LETM1: variants seen among roughly 807,000 people sequenced by gnomAD.
LETM1 encodes mitochondrial proton/calcium exchanger protein.
A neutral mutation model predicts 74.5 loss-of-function variants in LETM1; 50 were observed. The ratio of observed to expected loss-of-function variants is 0.67; its 90% CI spans 0.53 to 0.85. LETM1 has a LOEUF of 0.85. LETM1 is among the 40% of genes least tolerant of loss of function. The probability of loss-of-function intolerance (pLI) is 0.00; values close to 1 mark genes in which losing one functional copy is unlikely to be tolerated. For missense variants in LETM1, 824 were observed against 967.8 expected (o/e 0.85, Z 1.97); for synonymous variants, 446 against 407.1 (o/e 1.10, Z -1.15).
chr4:1,820,220 GC>G lies in LETM1; in HGVS notation c.1609-749del, dbSNP rs1282064228. 2.0e-5 allele frequency among the ~76,000 whole-genome samples: 3 copies of G among 152,160 alleles called. No homozygotes were observed. The East Asian group carries it at 5.8e-4, about 29-fold the overall frequency. On this transcript the variant is annotated intron_variant, in intron 10 of 13. Transcript: ENST00000302787. The stretch of plus-strand genomic sequence containing the variant: ...CACAGTGCTGATATCACAGGTGTGG[GC>G]CCCGCGCCCAGCCTCTCTGTTTGGT...
At chr4:1,822,721 C>T (rs971262675) in intron 9 of LETM1, 10 of 376,500 alleles carry the variant, frequency 2.7e-5, no homozygotes, top group African/African-American at 1.7e-4. Flanking sequence ...AGAGGGTGGG[C>T]ACTGCCATAT....
At chr4:1,854,455 G>A (rs1253580544) in intron 1 of LETM1, among the ~76,000 whole-genome samples, 1 of 147,940 alleles carries the variant, frequency 6.8e-6, no homozygotes, top group Non-Finnish European at 1.5e-5. Flanking sequence ...ACTCCAGCCT[G>A]GATGACAGAG....
chr4:1,815,582 G>C, intron 13 of LETM1, 82 bp downstream of exon 13: 1 of 1,510,984 alleles, frequency 6.6e-7, no homozygotes, highest in Non-Finnish European at 9.0e-7. Context: ...GAGGGTGCCG[G>C]ACATGCAATG....
intron 4 of LETM1, among the ~76,000 whole-genome samples, chr4:1,835,198 A>G (rs1054799231): frequency 6.6e-6 from 1 of 152,230 alleles, no homozygotes; most frequent in African/African-American, 2.4e-5. Context: ...TAATCCCAGC[A>G]CTTTGGGAGG....
At chr4:1,817,897 A>G (rs1172201583) in intron 11 of LETM1, among the ~76,000 whole-genome samples, 1 of 152,178 alleles carries the variant, frequency 6.6e-6, no homozygotes, top group Non-Finnish European at 1.5e-5. Context: ...CTCCTGCCTC[A>G]GTCTCTGGAG....
chr4:1,834,313 T>C lies in LETM1; in HGVS notation c.876+532A>G. 3.5e-6 allele frequency: 3 copies of C among 869,176 alleles called. No homozygotes were observed. The highest frequency in any genetic ancestry group is 4.1e-6 in the Non-Finnish European group (3 of 723,498). 53.8% of individuals were successfully genotyped at this position (869,176 alleles called of 1,614,324 possible). ...AACAACACCGGCCTCGTGAACCCCA[T>C]CTAGTCCTCAGGGATCTCGGTCCGT... On this transcript the variant is annotated intron_variant, in intron 5 of 13. Transcript: ENST00000302787. The surrounding 1 kb of genome is among the most constrained non-coding windows in gnomAD (Gnocchi z 5.0).
At chr4:1,848,710 T>C (rs1158208582) in intron 2 of LETM1, among the ~76,000 whole-genome samples, 2 of 116,518 alleles carry the variant, frequency 1.7e-5, no homozygotes, top group Non-Finnish European at 3.4e-5. Context: ...AGCAAGGCTC[T>C]GTCTCAAAAA....
At chr4:1,850,823 G>A (rs187156207) in intron 1 of LETM1, among the ~76,000 whole-genome samples, 170 of 151,300 alleles carry the variant, frequency 1.1e-3, no homozygotes, top group Non-Finnish European at 1.6e-3. Context: ...AAAATTAGCC[G>A]GACATGATGG....
At chr4:1,828,358 C>A (rs1296881290) in intron 6 of LETM1, among the ~76,000 whole-genome samples, 1 of 95,556 alleles carries the variant, frequency 1.0e-5, no homozygotes, top group East Asian at 3.6e-4. Flanking sequence ...CCGGACGGGG[C>A]GGCTGGCCGG....
rs531710624 is a variant in LETM1, at chr4:1,838,500, G to A, written c.595-1928C>T. Among the ~76,000 whole-genome samples the A allele has an allele frequency of 8.5e-5, 13 of 152,170 alleles. No individual in the cohort carries two copies. In the South Asian group the frequency reaches 2.3e-3, roughly 27 times the overall value. On this transcript the variant is annotated intron_variant, in intron 3 of 13. Coordinates refer to ENST00000302787, the MANE Select transcript of LETM1 (RefSeq NM_012318.3). Reference sequence around the variant, plus strand: ...GAGACCAACCTTGGCAATATAGTGAGACCCAGTCTCTACGAAAAATTTAAA... The same window carrying A: ...GAGACCAACCTTGGCAATATAGTGAAACCCAGTCTCTACGAAAAATTTAAA...
At chr4:1,832,017 C>G (rs956555031) in intron 6 of LETM1, among the ~76,000 whole-genome samples, 14 of 152,088 alleles carry the variant, frequency 9.2e-5, no homozygotes, top group Non-Finnish European at 1.6e-4. Flanking sequence ...AAAAGAGTAA[C>G]CAGCCGGACA....
intron 6 of LETM1, 117 bp from the exon 7 acceptor site, chr4:1,825,800 C>T (rs960681020): frequency 1.2e-4 from 144 of 1,209,216 alleles, no homozygotes; most frequent in African/African-American, 3.0e-5. Context: ...AATCAAACCA[C>T]GGCCACCAAA....
intron 10 of LETM1, among the ~76,000 whole-genome samples, chr4:1,820,174 G>A (rs984655006): frequency 6.6e-6 from 1 of 152,188 alleles, no homozygotes; most frequent in Non-Finnish European, 1.5e-5. Context: ...GGACTCAGAC[G>A]ATCCTCCCAC....
Position 1,849,195 on chromosome 4 carries a change from G to A in LETM1, c.97C>T (p.Pro33Ser). 6.2e-7 allele frequency: 1 copy of A among 1,612,590 alleles called. No homozygotes were observed. The highest frequency in any genetic ancestry group is 8.5e-7 in the Non-Finnish European group (1 of 1,178,572). ...GTGCTGGCACAGCTGAGATGAGCAG[G>A]ATCCCCTGGACTACCTGTAACAGGA... ...YTVPRGSPGDPAHLSCASTLG... is the reference protein window; with the variant it reads ...YTVPRGSPGDSAHLSCASTLG... Residue 33 changes from proline (P) to serine (S), a missense_variant, in exon 2 of 14, where the codon CCT becomes TCT. Physicochemically the swap from Pro to Ser is moderately conservative, Grantham distance 74. Transcript: ENST00000302787.
chr4:1,816,601 G>C, intron 12 of LETM1, 126 bp downstream of exon 12: 1 of 859,392 alleles, frequency 1.2e-6, no homozygotes, highest in Non-Finnish European at 1.8e-6. Context: ...CAAAGGTGGA[G>C]AGGCAGCCAG....
At chr4:1,841,906 G>C (rs1712715327) in intron 2 of LETM1, 109 bp from the exon 3 acceptor site, 2 of 792,192 alleles carry the variant, frequency 2.5e-6, no homozygotes, top group Non-Finnish European at 4.1e-6. Context: ...GCCATGCCAT[G>C]TCACAACCAC....
intron 6 of LETM1, among the ~76,000 whole-genome samples, chr4:1,832,302 C>CA (rs1295738776): frequency 1.0e-3 from 142 of 140,418 alleles, no homozygotes; most frequent in East Asian, 3.5e-3. Context: ...AACACCGTCT[C>CA]AAAAAAAAAA....
intron 2 of LETM1, among the ~76,000 whole-genome samples, chr4:1,848,166 G>A (rs1010191907): frequency 6.6e-6 from 1 of 152,194 alleles, no homozygotes. Context: ...CACTTTGGGA[G>A]GCTAAGGCAG....
chr4:1,815,380 C>T (rs557837421), intron 13 of LETM1, among the ~76,000 whole-genome samples: 14 of 152,330 alleles, frequency 9.2e-5, no homozygotes, highest in African/African-American at 1.2e-4. Flanking sequence ...TGCACCCCCC[C>T]GGCTCCCCAG....
Sources: allele counts gnomAD v4.1 joint callset (sites outside exome capture counted in the v4.1 genomes callset), GRCh38; gene constraint gnomAD v4.1.1; non-coding constraint Gnocchi (gnomAD v3.1); transcripts MANE v1.5; gene names NCBI Gene and HGNC (gene_info 2026-07-23, HGNC 2026-07-21).